GPR176: variants seen among roughly 807,000 people sequenced by gnomAD.
GPR176 encodes the protein G protein-coupled receptor 176.
A neutral mutation model predicts 35.4 loss-of-function variants in GPR176; 26 were observed. The observed-to-expected ratio is 0.74, with a 90% CI of 0.54 to 1.02. The LOEUF is 1.02. GPR176 is among the 50% of genes least tolerant of loss of function. The pLI, the probability that GPR176 is intolerant of heterozygous loss-of-function variation, is 0.00. For synonymous variants in GPR176, 278 were observed against 271.3 expected (o/e 1.02, Z -0.24); for missense variants, 597 against 665.3 (o/e 0.90, Z 1.13).
intron 1 of GPR176, among the ~76,000 whole-genome samples, chr15:39,850,920 C>CA (rs564127123): frequency 4.8e-4 from 73 of 151,828 alleles, no homozygotes; most frequent in Middle Eastern, 3.4e-3. Context: ...CGAAGTTATC[C>CA]AGGCAAGAGA....
chr15:39,885,709 T>C (rs1478655023), intron 1 of GPR176, among the ~76,000 whole-genome samples: 6 of 152,232 alleles, frequency 3.9e-5, no homozygotes, highest in Non-Finnish European at 8.8e-5. Context: ...TCTTGTTATA[T>C]GTAAGAAAAA....
intron 1 of GPR176, among the ~76,000 whole-genome samples, chr15:39,838,715 C>T (rs903072179): frequency 8.5e-5 from 13 of 152,166 alleles, no homozygotes; most frequent in Admixed American, 3.3e-4. Context: ...GACAAACCCA[C>T]AGCCAGTATC....
chr15:39,903,005 T>C (rs965714799), intron 1 of GPR176, among the ~76,000 whole-genome samples: 1 of 152,246 alleles, frequency 6.6e-6, no homozygotes, highest in African/African-American at 2.4e-5. Flanking sequence ...AAAAGCAATA[T>C]ATTTTCAGTA....
At position 39,913,501 on chromosome 15, in the gene GPR176, C is replaced by T. The variant is rs146238022; in HGVS notation, c.172+6354G>A. ...TGGAGGTTGCAGTGAACTGAGATCG[C>T]ACCACTGTACTCCAGCCTGGGAGAC... On this transcript the variant is annotated intron_variant, in intron 1 of 2. Coordinates refer to ENST00000561100, the MANE Select transcript of GPR176 (RefSeq NM_007223.3). Among the ~76,000 whole-genome samples, 515 of 150,998 alleles carry T rather than the reference C, an allele frequency of 3.4e-3. 7 individuals carry two copies. The highest frequency in any genetic ancestry group is 0.025 in the Admixed American group (375 of 15,160).
chr15:39,825,713 C>T lies in GPR176; in HGVS notation c.173-18455G>A, dbSNP rs76169627. ...TGTGATATTGATTTCTCATTTCCGCCAGCAATATTTGTAGAGCCTTTTCCC... is the reference window on the plus strand; with the variant it reads ...TGTGATATTGATTTCTCATTTCCGCTAGCAATATTTGTAGAGCCTTTTCCC... On this transcript the variant is annotated intron_variant, in intron 1 of 2. Transcript: ENST00000561100. Among the ~76,000 whole-genome samples, 1,310 of 152,126 alleles carry T rather than the reference C, an allele frequency of 8.6e-3. 12 individuals carry two copies. The highest frequency in any genetic ancestry group is 0.014 in the Middle Eastern group (4 of 294).
At chr15:39,833,650 T>G (rs920380486) in intron 1 of GPR176, among the ~76,000 whole-genome samples, 1 of 152,196 alleles carries the variant, frequency 6.6e-6, no homozygotes, top group Non-Finnish European at 1.5e-5. Context: ...GTGATTTGTA[T>G]GGTAAGTGAA....
At chr15:39,809,378 A>ATGTGTG (rs145422158) in intron 1 of GPR176, among the ~76,000 whole-genome samples, 3 of 150,778 alleles carry the variant, frequency 2.0e-5, no homozygotes, top group Non-Finnish European at 4.4e-5. Flanking sequence ...TTAAAAATAA[A>ATGTGTG]TGTGTGTGTG....
At chr15:39,834,345 C>A (rs1255867089) in intron 1 of GPR176, among the ~76,000 whole-genome samples, 2 of 152,130 alleles carry the variant, frequency 1.3e-5, no homozygotes, top group Non-Finnish European at 2.9e-5. Context: ...AATTATTTTC[C>A]ATTTTCAGAG....
Position 39,802,202 on chromosome 15 carries a change from G to C in GPR176, c.478C>G (p.Arg160Gly). Reference sequence around the variant, plus strand: ...GCCCAGATGTACATCACCAGTTCACGGGACTTGGCATCAGATATTTTCCTC... The same window carrying C: ...GCCCAGATGTACATCACCAGTTCACCGGACTTGGCATCAGATATTTTCCTC... ...LERKISDAKS[R>G]ELVMYIWAHA... Residue 160 changes from arginine (R) to glycine (G), a missense_variant, in exon 3 of 3, where the codon CGT (arginine) becomes GGT (glycine). Transcript: ENST00000561100. The C allele has an allele frequency of 2.5e-6, 4 of 1,613,740 alleles. No homozygotes were observed. Among genetic ancestry groups the C allele is most frequent in the East Asian group, 4.5e-5 (2 of 44,874 alleles).
chr15:39,854,567 A>G (rs1459876804), intron 1 of GPR176, among the ~76,000 whole-genome samples: 1 of 152,190 alleles, frequency 6.6e-6, no homozygotes, highest in Non-Finnish European at 1.5e-5. Context: ...CTGATCTCCA[A>G]TAAAACAAAA....
intron 1 of GPR176, among the ~76,000 whole-genome samples, chr15:39,832,408 A>T (rs1184172278): frequency 6.6e-6 from 1 of 152,146 alleles, no homozygotes; most frequent in Non-Finnish European, 1.5e-5. Flanking sequence ...TGATTAAAAC[A>T]ACACAAAATT....
intron 1 of GPR176, among the ~76,000 whole-genome samples, chr15:39,842,269 G>A (rs1010879168): frequency 1.3e-5 from 2 of 152,008 alleles, no homozygotes; most frequent in Non-Finnish European, 1.5e-5. Context: ...ATATTTTACA[G>A]GGTAGGAGCA....
intron 1 of GPR176, among the ~76,000 whole-genome samples, chr15:39,812,745 ATTT>A (rs144015459): frequency 7.3e-4 from 106 of 145,142 alleles, no homozygotes; most frequent in African/African-American, 2.6e-3. Flanking sequence ...TCTAAGCTTT[ATTT>A]TTTTTTTTTT....
intron 1 of GPR176, among the ~76,000 whole-genome samples, chr15:39,835,957 T>G (rs941118757): frequency 6.6e-6 from 1 of 152,108 alleles, no homozygotes; most frequent in Admixed American, 6.5e-5. Context: ...TATCCAGGCA[T>G]GGTGGCACAT....
intron 1 of GPR176, among the ~76,000 whole-genome samples, chr15:39,841,319 T>TCCCCA (rs564508036): frequency 1.2e-4 from 17 of 144,832 alleles, no homozygotes; most frequent in Non-Finnish European, 2.3e-4. Flanking sequence ...TTGAATTGTG[T>TCCCCA]CCCCACCCCA....
chr15:39,875,023 C>T (rs568661524), intron 1 of GPR176, among the ~76,000 whole-genome samples: 2 of 152,142 alleles, frequency 1.3e-5, no homozygotes, highest in Admixed American at 6.5e-5. Flanking sequence ...GCCTGGGCAA[C>T]AAGAGCGAAA....
chr15:39,837,372 G>T (rs937381123), intron 1 of GPR176, among the ~76,000 whole-genome samples: 1 of 152,142 alleles, frequency 6.6e-6, no homozygotes, highest in Non-Finnish European at 1.5e-5. Context: ...CACTCTGTGA[G>T]TGTGCCATTT....
chr15:39,881,972 C>T (rs1239996178), intron 1 of GPR176, among the ~76,000 whole-genome samples: 3 of 152,128 alleles, frequency 2.0e-5, no homozygotes, highest in African/African-American at 4.8e-5. Context: ...CAGCTAGAAG[C>T]GTCAAAGATT....
intron 1 of GPR176, among the ~76,000 whole-genome samples, chr15:39,869,798 T>A (rs2031978315): frequency 6.6e-6 from 1 of 152,208 alleles, no homozygotes; most frequent in Non-Finnish European, 1.5e-5. Flanking sequence ...TCCAACTTTA[T>A]CCCCAAATAG....
Sources: allele counts gnomAD v4.1 joint callset (sites outside exome capture counted in the v4.1 genomes callset), GRCh38; gene constraint gnomAD v4.1.1; transcripts MANE v1.5; gene names NCBI Gene and HGNC (gene_info 2026-07-23, HGNC 2026-07-21).